SCHIP1: variants seen among roughly 807,000 people sequenced by gnomAD.
SCHIP1 encodes schwannomin interacting protein 1, also known as schwannomin-interacting protein 1.
In SCHIP1, 8 loss-of-function variants were observed where a neutral mutation model predicts 29.7. That is an observed-to-expected ratio of 0.27 (90% CI 0.16 to 0.49). SCHIP1 has a LOEUF of 0.49. Among genes scored for constraint, SCHIP1 ranks in the 20% least tolerant of loss-of-function variants. SCHIP1 has a pLI of 0.99. For missense variants in SCHIP1, 193 were observed against 294.6 expected (o/e 0.66, Z 2.52); for synonymous variants, 76 against 94.9 (o/e 0.80, Z 1.16).
the SCHIP1 span, chr3:159,765,396 C>A: frequency 2.3e-6 from 1 of 443,756 alleles, no homozygotes; most frequent in South Asian, 4.3e-5. Flanking sequence ...GTTAGTGGAA[C>A]CGGCGACTCA....
At chr3:159,764,170 C>G in the SCHIP1 span, 1 of 409,834 alleles carries the variant, frequency 2.4e-6, no homozygotes, top group Non-Finnish European at 4.3e-6. The surrounding 1 kb of genome is among the most constrained non-coding windows in gnomAD (Gnocchi z 6.1). Flanking sequence ...CCGCGGGGCC[C>G]CTTGTATGAA....
chr3:159,292,983 G>A, the SCHIP1 span, among the ~76,000 whole-genome samples: 1 of 152,074 alleles, frequency 6.6e-6, no homozygotes, highest in Admixed American at 6.6e-5. Context: ...TCAATACGGG[G>A]CATCTTTGCA....
rs539639953 is a variant in SCHIP1 at position 159,864,338 on chromosome 3, C to A, written c.31-1825C>A. On this transcript the variant is annotated intron_variant, in intron 1 of 6. Transcript: ENST00000445224. The stretch of plus-strand genomic sequence containing the variant: ...AGGCATTCTTGCTTCCCTCCATAAC[C>A]TTATGGTTACTTTCTTAAAGCTTGG... 2.6e-5 allele frequency among the ~76,000 whole-genome samples: 4 copies of A among 152,150 alleles called. No individual in the cohort carries two copies. The South Asian group carries it at 6.2e-4, about 24-fold the overall frequency.
chr3:159,766,324 C>T, the SCHIP1 span, among the ~76,000 whole-genome samples: 8 of 152,160 alleles, frequency 5.3e-5, no homozygotes, highest in African/African-American at 1.9e-4. Context: ...ATGGTTCTAT[C>T]AGAGAGCGCC....
chr3:159,691,903 T>C, the SCHIP1 span, among the ~76,000 whole-genome samples: 2 of 152,218 alleles, frequency 1.3e-5, no homozygotes, highest in African/African-American at 4.8e-5. Flanking sequence ...AAAATTCTTT[T>C]CTTTAAGAAT....
chr3:159,814,041 G>A, the SCHIP1 span, among the ~76,000 whole-genome samples: 4 of 152,160 alleles, frequency 2.6e-5, no homozygotes, highest in East Asian at 7.7e-4. Flanking sequence ...GCTTCCAGGA[G>A]GGAAGGACTT....
chr3:159,563,670 A>G, the SCHIP1 span, among the ~76,000 whole-genome samples: 2 of 152,120 alleles, frequency 1.3e-5, no homozygotes, highest in African/African-American at 4.8e-5. Context: ...CTCTACAAAA[A>G]ATGAAAACAG....
the SCHIP1 span, among the ~76,000 whole-genome samples, chr3:159,468,217 A>T: frequency 1.3e-5 from 2 of 152,106 alleles, no homozygotes; most frequent in African/African-American, 4.8e-5. Flanking sequence ...AATTTCCTTA[A>T]ATCATTGTAA....
At chr3:159,674,379 G>A in the SCHIP1 span, among the ~76,000 whole-genome samples, 2 of 152,090 alleles carry the variant, frequency 1.3e-5, no homozygotes, top group Non-Finnish European at 2.9e-5. Context: ...TACAGAAAGT[G>A]CCCCTGAGAG....
upstream of SCHIP1, among the ~76,000 whole-genome samples, chr3:159,838,375 C>A (rs572707496): frequency 6.6e-6 from 1 of 152,264 alleles, no homozygotes; most frequent in South Asian, 2.1e-4. Context: ...AATTCCATTT[C>A]TCATGCAAAA....
chr3:159,505,166 A>C, the SCHIP1 span, among the ~76,000 whole-genome samples: 2,084 of 152,318 alleles, frequency 0.014, 48 homozygotes, highest in African/African-American at 0.047. Context: ...AAGCCTGGTC[A>C]TAAAGTTTCC....
At chr3:159,301,798 A>T in the SCHIP1 span, among the ~76,000 whole-genome samples, 1 of 152,182 alleles carries the variant, frequency 6.6e-6, no homozygotes, top group Admixed American at 6.5e-5. Context: ...TAAGTCAATT[A>T]AACCTCTTTT....
At chr3:159,793,183 A>G in the SCHIP1 span, among the ~76,000 whole-genome samples, 1 of 152,094 alleles carries the variant, frequency 6.6e-6, no homozygotes, top group Non-Finnish European at 1.5e-5. Context: ...ATCCCCCACC[A>G]TAAGATTCTG....
At chr3:159,774,737 C>A in the SCHIP1 span, among the ~76,000 whole-genome samples, 1 of 152,118 alleles carries the variant, frequency 6.6e-6, no homozygotes, top group Non-Finnish European at 1.5e-5. Flanking sequence ...TTCCTCTAAC[C>A]AATATGAGGT....
At chr3:159,597,262 TG>T in the SCHIP1 span, among the ~76,000 whole-genome samples, 1 of 152,192 alleles carries the variant, frequency 6.6e-6, no homozygotes, top group Non-Finnish European at 1.5e-5. Context: ...TGTGAAATTT[TG>T]TAATGTATAT....
the SCHIP1 span, among the ~76,000 whole-genome samples, chr3:159,678,365 A>G: frequency 6.6e-6 from 1 of 152,216 alleles, no homozygotes; most frequent in Admixed American, 6.5e-5. Context: ...TTACTATTTC[A>G]AGTACAATTG....
At chr3:159,550,169 T>C in the SCHIP1 span, among the ~76,000 whole-genome samples, 1 of 137,274 alleles carries the variant, frequency 7.3e-6, no homozygotes, top group African/African-American at 2.6e-5. Flanking sequence ...TTTACTAAGT[T>C]TGTATTCCCA....
chr3:159,797,154 T>A, the SCHIP1 span, among the ~76,000 whole-genome samples: 21 of 152,356 alleles, frequency 1.4e-4, no homozygotes, highest in East Asian at 1.7e-3. Context: ...AGCATACTAT[T>A]TATAAGTTGG....
chr3:159,451,859 C>T, the SCHIP1 span, among the ~76,000 whole-genome samples: 1 of 152,094 alleles, frequency 6.6e-6, no homozygotes, highest in African/African-American at 2.4e-5. Flanking sequence ...TGTAGAGAGA[C>T]AGAGATCAGG....
Sources: gnomAD v4.1 joint callset for allele counts (sites outside exome capture counted in the v4.1 genomes callset) on GRCh38, gnomAD v4.1.1 for gene constraint, Gnocchi (gnomAD v3.1) non-coding constraint, MANE v1.5 for transcripts, NCBI Gene and HGNC (gene_info 2026-07-23, HGNC 2026-07-21) for gene names.